KRTAP4-12: variants seen among roughly 807,000 people sequenced by gnomAD.
The protein encoded by KRTAP4-12 is keratin-associated protein 4-12.
In KRTAP4-12, 1 loss-of-function variant was observed where a neutral mutation model predicts 0.9. The observed-to-expected ratio is 1.11, with a 90% CI of 0.40 to 5.29. KRTAP4-12 has a LOEUF of 5.29. KRTAP4-12 is among the 30% of genes most tolerant of loss of function. The probability of loss-of-function intolerance (pLI) is 0.16; values close to 1 mark genes in which losing one functional copy is unlikely to be tolerated. For synonymous variants in KRTAP4-12, 85 were observed against 94.0 expected (o/e 0.90, Z 0.55); for missense variants, 240 against 265.6 (o/e 0.90, Z 0.67).
In KRTAP4-12 at chr17:41,123,216, G is replaced by T; in HGVS notation, c.*301C>A. 1 of 558,688 alleles carries T rather than the reference G, an allele frequency of 1.8e-6. No homozygotes were observed. Among genetic ancestry groups the T allele is most frequent in the Non-Finnish European group, 3.1e-6 (1 of 327,516 alleles). 34.6% of individuals were successfully genotyped at this position (558,688 alleles called of 1,614,324 possible). On this transcript the variant is annotated 3_prime_UTR_variant, in exon 1 of 1. Transcript: ENST00000394014. Reference sequence around the variant, plus strand: ...CAAGGTTGGAGGCTTTAAGATCTGTGGCCCTACAAATGATGGAGGCAATCT... The same window carrying T: ...CAAGGTTGGAGGCTTTAAGATCTGTTGCCCTACAAATGATGGAGGCAATCT...
Position 41,123,092 on chromosome 17 carries a change from T to C in KRTAP4-12, c.*425A>G. 1 of 216,748 alleles carries C rather than the reference T, an allele frequency of 4.6e-6. No individual in the cohort carries two copies. Among genetic ancestry groups the C allele is most frequent in the Non-Finnish European group, 9.1e-6 (1 of 109,762 alleles). The allele number at this position is 216,748 out of a possible 1,614,324, so 13.4% of individuals were successfully genotyped here. ...AAAGAGAATAAGAATCATATTCAAT[T>C]TTCAGTGCCAATAGAATAGAGGTTT... On this transcript the variant is annotated 3_prime_UTR_variant, in exon 1 of 1. Transcript: ENST00000394014.
chr17:41,123,547 G>A lies in KRTAP4-12; in HGVS notation c.576C>T (p.Arg192=). ...RPTCVISTCP[R]PLCCASSCC is the part of the protein sequence containing the mutation. ...AGCAAGAGGAGGCACAGCACAAGGG[G>A]CGGGGGCAGGTGGAGATGACACAGG... Residue 192 remains arginine, a synonymous_variant, in exon 1 of 1, where the codon CGC becomes CGT. Transcript: ENST00000394014. 1.9e-6 allele frequency: 3 copies of A among 1,612,820 alleles called. No homozygotes were observed. The highest frequency in any genetic ancestry group is 2.5e-6 in the Non-Finnish European group (3 of 1,179,484).
rs775252852 is a variant in KRTAP4-12 at position 41,123,951 on chromosome 17, G to A, written c.172C>T (p.Pro58Ser). ...PQCCQSVCCQ[P>S]TCCRPSCCQT... ...CAGCAGCTGGGGCGGCAGCAGGTGG[G>A]CTGACAGCACACAGACTGGCAGCAC... The change falls in exon 1 of 1, where the codon CCC becomes TCC. Residue 58 changes from proline (P) to serine (S), a missense_variant. Pro to Ser is a moderately conservative substitution (Grantham distance 74). This residue lies in a region of KRTAP4-12 where 110 missense variants were observed against 115.0 expected (regional missense o/e 0.96). Coordinates refer to ENST00000394014, the MANE Select transcript of KRTAP4-12 (RefSeq NM_031854.3). 5 of 1,557,118 alleles carry A rather than the reference G, an allele frequency of 3.2e-6. No individual in the cohort carries two copies. In the South Asian group the frequency reaches 5.7e-5, roughly 18 times the overall value.
chr17:41,123,645 A>C lies in KRTAP4-12; in HGVS notation c.478T>G (p.Cys160Gly). Residue 160 changes from cysteine (C) to glycine (G), a missense_variant, in exon 1 of 1, where the codon TGC (cysteine) becomes GGC (glycine). Transcript: ENST00000394014. ...SCCPSCCESS[C>G]CRPCCCLRPV... ...CGCAGGCAGCAGCAGGGGCGGCAGCAGCTGGATTCACAGCAAGAGGGGCAG... is the reference window on the plus strand; with the variant it reads ...CGCAGGCAGCAGCAGGGGCGGCAGCCGCTGGATTCACAGCAAGAGGGGCAG... 2 of 1,613,538 alleles carry C rather than the reference A, an allele frequency of 1.2e-6. No individual in the cohort carries two copies. The highest frequency in any genetic ancestry group is 8.5e-7 in the Non-Finnish European group (1 of 1,179,952).
rs1277135740 is a variant in KRTAP4-12 at position 41,124,053 on chromosome 17, T to C, written c.70A>G (p.Ser24Gly). The change falls in exon 1 of 1, where the codon AGC becomes GGC. Residue 24 changes from serine to glycine, a missense_variant. Transcript: ENST00000394014. ...CTGCAGCAGGTGGTCTGGCAGCAGCTGGGGCGGCAGCAGTTCTCCAGGCCA... is the reference window on the plus strand; with the variant it reads ...CTGCAGCAGGTGGTCTGGCAGCAGCCGGGGCGGCAGCAGTTCTCCAGGCCA... The part of the protein sequence containing the change: ...GCGLENCCRP[S>G]CCQTTCCRTT... The C allele has an allele frequency of 6.2e-7, 1 of 1,613,342 alleles. No individual in the cohort carries two copies. Among genetic ancestry groups the C allele is most frequent in the Non-Finnish European group, 8.5e-7 (1 of 1,179,884 alleles).
Position 41,123,343 on chromosome 17 carries a change from C to T in KRTAP4-12, c.*174G>A. 1 of 1,276,302 alleles carries T rather than the reference C, an allele frequency of 7.8e-7. No individual in the cohort carries two copies. The highest frequency in any genetic ancestry group is 2.6e-5 in the East Asian group (1 of 39,018). 79.1% of individuals were successfully genotyped at this position (1,276,302 alleles called of 1,614,324 possible). On this transcript the variant is annotated 3_prime_UTR_variant, in exon 1 of 1. Transcript: ENST00000394014. ...TTATTAGGAGATTGTCAATGAATTCCTTTGGAAGGAAGGGAGTTTGGACAA... is the reference window on the plus strand; with the variant it reads ...TTATTAGGAGATTGTCAATGAATTCTTTTGGAAGGAAGGGAGTTTGGACAA...
chr17:41,123,471 T>C lies in KRTAP4-12; in HGVS notation c.*46A>G, dbSNP rs767685099. 1 of 1,559,610 alleles carries C rather than the reference T, an allele frequency of 6.4e-7. No individual in the cohort carries two copies. The highest frequency in any genetic ancestry group is 1.2e-5 in the South Asian group (1 of 82,698). ...CATGTTTGCAATGAGAGCCTTCATCTGTAGGAAAGGACGTAATAAGGAAGT... is the reference window on the plus strand; with the variant it reads ...CATGTTTGCAATGAGAGCCTTCATCCGTAGGAAAGGACGTAATAAGGAAGT... On this transcript the variant is annotated 3_prime_UTR_variant, in exon 1 of 1. Coordinates refer to ENST00000394014, the MANE Select transcript of KRTAP4-12 (RefSeq NM_031854.3).
rs536638484 is a variant in KRTAP4-12, at chr17:41,123,692, C to G, written c.431G>C (p.Ser144Thr). 7 of 1,612,714 alleles carry G rather than the reference C, an allele frequency of 4.3e-6. No homozygotes were observed. The highest frequency in any genetic ancestry group is 1.7e-4 in the Middle Eastern group (1 of 5,940). The change falls in exon 1 of 1, where the codon AGC becomes ACC. Residue 144 changes from serine (S) to threonine (T), a missense_variant. This residue lies in a region of KRTAP4-12 where 119 missense variants were observed against 106.2 expected (regional missense o/e 1.12). Transcript: ENST00000394014. ...VCCQPTCCRP[S>T]CCISSSCCPS... ...GCAGCAGCTGCTGGAGATGCAGCAG[C>G]TGGGGCGGCAGCAGGTGGGCTGGCA...
rs751048725 is a variant in KRTAP4-12 at position 41,123,483 on chromosome 17, C to T, written c.*34G>A. The T allele has an allele frequency of 1.1e-5, 17 of 1,580,866 alleles. No individual in the cohort carries two copies. The highest frequency in any genetic ancestry group is 1.3e-5 in the African/African-American group (1 of 74,416). Reference sequence around the variant, plus strand: ...GAGAGCCTTCATCTGTAGGAAAGGACGTAATAAGGAAGTGGTGTGTTCACA... The same window carrying T: ...GAGAGCCTTCATCTGTAGGAAAGGATGTAATAAGGAAGTGGTGTGTTCACA... On this transcript the variant is annotated 3_prime_UTR_variant, in exon 1 of 1. Transcript: ENST00000394014.
In KRTAP4-12 at chr17:41,123,428, A is replaced by T; in HGVS notation, c.*89T>A. On this transcript the variant is annotated 3_prime_UTR_variant, in exon 1 of 1. Coordinates refer to ENST00000394014, the MANE Select transcript of KRTAP4-12 (RefSeq NM_031854.3). ...AGGTTTGCTTATGGGACCCAGATCA[A>T]TTCTCTTGAACAGTCCGCATGTTTG... 7.4e-6 allele frequency: 11 copies of T among 1,479,528 alleles called. No homozygotes were observed. Among genetic ancestry groups the T allele is most frequent in the Non-Finnish European group, 9.9e-6 (11 of 1,111,460 alleles). 91.7% of individuals were successfully genotyped at this position (1,479,528 alleles called of 1,614,324 possible).
chr17:41,123,981 G>T lies in KRTAP4-12; in HGVS notation c.142C>A (p.Pro48Thr), dbSNP rs753029512. Residue 48 changes from proline (P) to threonine (T), a missense_variant, in exon 1 of 1, where the codon CCC becomes ACC. Physicochemically the swap from Pro to Thr is conservative, Grantham distance 38. Around this residue, in one of 3 missense-constraint regions of KRTAP4-12, gnomAD observed 110 missense variants for 115.0 expected, o/e 0.96. Coordinates refer to ENST00000394014, the MANE Select transcript of KRTAP4-12 (RefSeq NM_031854.3). ...CAGCACACAGACTGGCAGCACTGGG[G>T]CCTGCAGCAGCTGGACACACAGCAG... is the stretch of plus-strand genomic sequence containing the variant. Reference protein sequence around the residue: ...PSCCVSSCCRPQCCQSVCCQP... With the variant: ...PSCCVSSCCRTQCCQSVCCQP... 2.6e-6 allele frequency: 4 copies of T among 1,566,204 alleles called. No homozygotes were observed. The highest frequency in any genetic ancestry group is 2.6e-6 in the Non-Finnish European group (3 of 1,170,796).
Position 41,123,164 on chromosome 17 carries a change from C to CT in KRTAP4-12, c.*352dup. 1 of 406,774 alleles carries CT rather than the reference C, an allele frequency of 2.5e-6. No homozygotes were observed. Among genetic ancestry groups the CT allele is most frequent in the South Asian group, 5.1e-5 (1 of 19,558 alleles). The allele number at this position is 406,774 out of a possible 1,614,324, so 25.2% of individuals were successfully genotyped here. On this transcript the variant is annotated 3_prime_UTR_variant, in exon 1 of 1. Coordinates refer to ENST00000394014, the MANE Select transcript of KRTAP4-12 (RefSeq NM_031854.3). ...AAGGTACAAAAATGTTTGCAAAAGA[C>CT]TTTAAGAGAGAGACTTCACTGGACT...
rs1173745911 is a variant in KRTAP4-12 at position 41,123,737 on chromosome 17, T to G, written c.386A>C (p.Gln129Pro). Residue 129 changes from glutamine to proline, a missense_variant, in exon 1 of 1, where the codon CAG (glutamine) becomes CCG (proline). Gln to Pro is a moderately conservative substitution (Grantham distance 76, BLOSUM62 -1). This residue lies in a region of KRTAP4-12 where 119 missense variants were observed against 106.2 expected (regional missense o/e 1.12). Coordinates refer to ENST00000394014, the MANE Select transcript of KRTAP4-12 (RefSeq NM_031854.3). ...CTGGCAGCACACAGACTGGCAGCAC[T>G]GGGGTCTGCAGCAGCTGGACACACA... ...SCCVSSCCRP[Q>P]CCQSVCCQPT... is the part of the protein sequence containing the mutation. 6.9e-6 allele frequency: 11 copies of G among 1,602,558 alleles called. No homozygotes were observed. The highest frequency in any genetic ancestry group is 9.4e-6 in the Non-Finnish European group (11 of 1,176,410).
At position 41,123,544 on chromosome 17, in the gene KRTAP4-12, G is replaced by A; in HGVS notation, c.579C>T (p.Pro193=). The part of the protein sequence containing the change: ...PTCVISTCPR[P]LCCASSCC ...AGCAGCAAGAGGAGGCACAGCACAA[G>A]GGGCGGGGGCAGGTGGAGATGACAC... Residue 193 remains proline (P), a synonymous_variant, in exon 1 of 1, where the codon CCC becomes CCT. Transcript: ENST00000394014. 6.2e-7 allele frequency: 1 copy of A among 1,612,850 alleles called. No individual in the cohort carries two copies.
chr17:41,123,349 A>G lies in KRTAP4-12; in HGVS notation c.*168T>C. The G allele has an allele frequency of 7.7e-7, 1 of 1,298,668 alleles. No individual in the cohort carries two copies. Among genetic ancestry groups the G allele is most frequent in the South Asian group, 1.6e-5 (1 of 62,708 alleles). The allele number at this position is 1,298,668 out of a possible 1,614,324, so 80.4% of individuals were successfully genotyped here. The stretch of plus-strand genomic sequence containing the variant: ...GGAGATTGTCAATGAATTCCTTTGG[A>G]AGGAAGGGAGTTTGGACAAAAGGTA... On this transcript the variant is annotated 3_prime_UTR_variant, in exon 1 of 1. Transcript: ENST00000394014.
rs762855668 is a variant in KRTAP4-12 at position 41,123,894 on chromosome 17, G to T, written c.229C>A (p.Arg77Ser). ...CAGCTGGACACACAGCAGCTGGGGC[G>T]GCAGCAGGTGGTCCTACAGCAGGTG... ...QTTCCRTTCC[R>S]PSCCVSSCCR... Residue 77 changes from arginine (R) to serine (S), a missense_variant, in exon 1 of 1, where the codon CGC becomes AGC. Transcript: ENST00000394014. 1 of 1,568,630 alleles carries T rather than the reference G, an allele frequency of 6.4e-7. No individual in the cohort carries two copies. Among genetic ancestry groups the T allele is most frequent in the Admixed American group, 1.8e-5 (1 of 55,528 alleles).
chr17:41,123,277 A>C lies in KRTAP4-12; in HGVS notation c.*240T>G. ...TAGGCATGATGAATAAATGTCCTGA[A>C]GTCAAAGAGGTGGGAGGATGTTGGA... On this transcript the variant is annotated 3_prime_UTR_variant, in exon 1 of 1. Transcript: ENST00000394014. 1 of 778,172 alleles carries C rather than the reference A, an allele frequency of 1.3e-6. No individual in the cohort carries two copies. Among genetic ancestry groups the C allele is most frequent in the Non-Finnish European group, 2.0e-6 (1 of 495,784 alleles). The allele number at this position is 778,172 out of a possible 1,614,324, so 48.2% of individuals were successfully genotyped here. A position where few individuals can be genotyped will look rare whatever the true frequency, so the allele number is the denominator to read the frequency against.
At position 41,123,683 on chromosome 17, in the gene KRTAP4-12, A is replaced by G. The variant is rs1167376875; in HGVS notation, c.440T>C (p.Ile147Thr). The G allele has an allele frequency of 6.2e-7, 1 of 1,612,864 alleles. No individual in the cohort carries two copies. Among genetic ancestry groups the G allele is most frequent in the Admixed American group, 1.7e-5 (1 of 59,900 alleles). The change falls in exon 1 of 1, where the codon ATC becomes ACC. Residue 147 changes from isoleucine (I) to threonine (T), a missense_variant. This residue lies in a region of KRTAP4-12 where 119 missense variants were observed against 106.2 expected (regional missense o/e 1.12). Transcript: ENST00000394014. Reference sequence around the variant, plus strand: ...GCAAGAGGGGCAGCAGCTGCTGGAGATGCAGCAGCTGGGGCGGCAGCAGGT... The same window carrying G: ...GCAAGAGGGGCAGCAGCTGCTGGAGGTGCAGCAGCTGGGGCGGCAGCAGGT... The part of the protein sequence containing the change: ...QPTCCRPSCC[I>T]SSSCCPSCCE...
rs1489883033 is a variant in KRTAP4-12, at chr17:41,123,444, C to T, written c.*73G>A. 5.9e-6 allele frequency: 9 copies of T among 1,521,428 alleles called. No individual in the cohort carries two copies. In the East Asian group the frequency reaches 7.3e-5, roughly 12 times the overall value. 94.2% of individuals were successfully genotyped at this position (1,521,428 alleles called of 1,614,324 possible). On this transcript the variant is annotated 3_prime_UTR_variant, in exon 1 of 1. Transcript: ENST00000394014. ...CCCAGATCAATTCTCTTGAACAGTC[C>T]GCATGTTTGCAATGAGAGCCTTCAT...
Sources: gnomAD v4.1 joint callset for allele counts on GRCh38, gnomAD v4.1.1 for gene constraint, gnomAD v4.1.1 regional missense constraint, MANE v1.5 for transcripts, NCBI Gene and HGNC (gene_info 2026-07-23, HGNC 2026-07-21) for gene names.